The following ZNF600 variants were observed in gnomAD, a reference collection of about 807,000 sequenced individuals.
The protein encoded by ZNF600 is zinc finger protein KR-ZNF1.
A neutral mutation model predicts 7.3 loss-of-function variants in ZNF600; 4 were observed. The observed-to-expected ratio is 0.55, with a 90% CI of 0.27 to 1.25. The LOEUF (loss-of-function observed/expected upper bound fraction) is 1.25. Among genes scored for constraint, ZNF600 ranks in the 50% most tolerant of loss-of-function variants. ZNF600 has a pLI of 0.12. For missense variants in ZNF600, 911 were observed against 922.1 expected (o/e 0.99, Z 0.16); for synonymous variants, 290 against 308.9 (o/e 0.94, Z 0.64).
At chr19:52,801,659 C>T in the ZNF600 span, 6 of 1,612,332 alleles carry the variant, frequency 3.7e-6, no homozygotes, top group South Asian at 5.5e-5. Context: ...TATTGCCTTG[C>T]CCTGTTGAGA....
chr19:52,791,267 G>A (rs1265685924), upstream of ZNF600, among the ~76,000 whole-genome samples: 1 of 152,230 alleles, frequency 6.6e-6, no homozygotes, highest in East Asian at 1.9e-4. Flanking sequence ...ATGTCTGGGT[G>A]TGAGCCCTTC....
At chr19:52,830,071 T>C in the ZNF600 span, among the ~76,000 whole-genome samples, 91 of 152,052 alleles carry the variant, frequency 6.0e-4, no homozygotes, top group East Asian at 7.0e-3. Context: ...GTTGGGAGTT[T>C]GAGAGCAGTC....
rs1161547461 is a variant in ZNF600, at chr19:52,773,610, G to A, written c.190+965C>T. Among the ~76,000 whole-genome samples, 7 of 152,234 alleles carry A rather than the reference G, an allele frequency of 4.6e-5. No homozygotes were observed. In the South Asian group the frequency reaches 1.0e-3, roughly 23 times the overall value. The stretch of plus-strand genomic sequence containing the variant: ...AGCCAGGCTGAGTGCAGTGGCTCAC[G>A]TCTGTAATCTCAGCTCATTAGGAGG... On this transcript the variant is annotated intron_variant, in intron 3 of 3. Transcript: ENST00000648973.
At chr19:52,800,396 T>C in the ZNF600 span, 11 of 1,614,022 alleles carry the variant, frequency 6.8e-6, no homozygotes, top group African/African-American at 1.3e-4. Context: ...TCCTATGTCT[T>C]TCAAGGTGTG....
chr19:52,816,330 C>G, the ZNF600 span, among the ~76,000 whole-genome samples: 1 of 146,432 alleles, frequency 6.8e-6, no homozygotes, highest in Non-Finnish European at 1.5e-5. Context: ...GCCAGCCTGG[C>G]CAACATGGTG....
chr19:52,831,124 G>A, the ZNF600 span, among the ~76,000 whole-genome samples: 1 of 152,102 alleles, frequency 6.6e-6, no homozygotes, highest in African/African-American at 2.4e-5. Flanking sequence ...GCCTTGTATA[G>A]ATTCCAGAAT....
chr19:52,815,993 A>T, the ZNF600 span, among the ~76,000 whole-genome samples: 1 of 146,778 alleles, frequency 6.8e-6, no homozygotes, highest in African/African-American at 2.6e-5. Context: ...TTACAACAGA[A>T]TTTTTTTTAA....
At chr19:52,787,649 G>A (rs867102163), upstream of ZNF600, among the ~76,000 whole-genome samples, 2 of 151,322 alleles carry the variant, frequency 1.3e-5, no homozygotes, top group African/African-American at 2.4e-5. Context: ...ATGAGGTCAG[G>A]AGATCGAGAC....
At chr19:52,768,989 T>C (rs995582540) in intron 3 of ZNF600, among the ~76,000 whole-genome samples, 2 of 152,090 alleles carry the variant, frequency 1.3e-5, no homozygotes, top group East Asian at 1.9e-4. Context: ...CAGTGAGAAG[T>C]GACCAGAAGA....
chr19:52,767,893 G>T, intron 3 of ZNF600, 121 bp from the exon 6 acceptor site: 1 of 1,360,654 alleles, frequency 7.3e-7, no homozygotes, highest in Non-Finnish European at 9.8e-7. Context: ...CATCTTCAAA[G>T]TTTAGGAACA....
Position 52,776,977 on chromosome 19 carries a change from G to C in ZNF600, c.63+1849C>G, listed in dbSNP as rs567399124. On this transcript the variant is annotated intron_variant, in intron 2 of 3. Coordinates refer to ENST00000648973, the Ensembl canonical transcript of ZNF600. ...CCACTGCACTCCTGCCTGGACAACA[G>C]AGACTCAACTCAAAACAAATTAAAA... Among the ~76,000 whole-genome samples the C allele has an allele frequency of 3.0e-4, 45 of 151,868 alleles. No individual in the cohort carries two copies. The South Asian group carries it at 6.2e-3, about 21-fold the overall frequency.
chr19:52,822,496 A>G, the ZNF600 span, among the ~76,000 whole-genome samples: 2 of 152,222 alleles, frequency 1.3e-5, no homozygotes, highest in South Asian at 4.1e-4. Flanking sequence ...TATTCTATTA[A>G]TGAATAAGCC....
At chr19:52,779,121 C>G (rs557252997) in intron 1 of ZNF600, among the ~76,000 whole-genome samples, 18 of 152,262 alleles carry the variant, frequency 1.2e-4, no homozygotes, top group Admixed American at 1.0e-3. Flanking sequence ...TGGAGAAGCC[C>G]CCACACACTA....
chr19:52,811,834 A>G, the ZNF600 span, among the ~76,000 whole-genome samples: 1 of 126,268 alleles, frequency 7.9e-6, no homozygotes, highest in Non-Finnish European at 1.7e-5. Context: ...GGCCGCCCCT[A>G]CTGGGAAGTG....
chr19:52,809,831 C>CGGCGGCGGTGGCGGCGGT, the ZNF600 span: 1 of 554,796 alleles, frequency 1.8e-6, no homozygotes, highest in East Asian at 3.2e-5. Flanking sequence ...AAGGCGGCGG[C>CGGCGGCGGTGGCGGCGGT]GGCGGCGGTG....
chr19:52,829,077 G>A, the ZNF600 span, among the ~76,000 whole-genome samples: 4 of 152,084 alleles, frequency 2.6e-5, no homozygotes, highest in East Asian at 1.9e-4. Context: ...TGCCAGCCAG[G>A]ATGGTCTTCA....
At chr19:52,798,926 T>A in the ZNF600 span, 1 of 1,434,238 alleles carries the variant, frequency 7.0e-7, no homozygotes, top group Non-Finnish European at 9.4e-7. Context: ...GCCACACTCA[T>A]TGCACTTGTA....
chr19:52,833,137 T>C, the ZNF600 span, among the ~76,000 whole-genome samples: 1 of 152,170 alleles, frequency 6.6e-6, no homozygotes, highest in Admixed American at 6.5e-5. Context: ...TCTCCCCTTA[T>C]TGGTCTCCTT....
At chr19:52,813,929 CTG>C in the ZNF600 span, among the ~76,000 whole-genome samples, 3 of 145,488 alleles carry the variant, frequency 2.1e-5, 1 homozygote, top group East Asian at 2.0e-4. Flanking sequence ...GAGATGGACT[CTG>C]TTTATTTTTT....
Sources: allele counts gnomAD v4.1 joint callset (sites outside exome capture counted in the v4.1 genomes callset), GRCh38; gene constraint gnomAD v4.1.1; transcripts MANE v1.5; gene names NCBI Gene and HGNC (gene_info 2026-07-23, HGNC 2026-07-21).